The following SPHKAP variants were observed in gnomAD, a reference collection of about 807,000 sequenced individuals.
The protein encoded by SPHKAP is A-kinase anchor protein SPHKAP.
Under a neutral mutation model 137.5 loss-of-function variants are expected in SPHKAP, and 67 were observed. The observed-to-expected ratio is 0.49, with a 90% CI of 0.40 to 0.60. SPHKAP has a LOEUF of 0.60. Ranked by LOEUF, SPHKAP falls within the 20% of genes least tolerant of loss-of-function variation. The probability of loss-of-function intolerance (pLI) is 0.00; values close to 1 mark genes in which losing one functional copy is unlikely to be tolerated. For synonymous variants in SPHKAP, 813 were observed against 785.3 expected (o/e 1.04, Z -0.59); for missense variants, 2,097 against 2,069.3 (o/e 1.01, Z -0.26).
intron 1 of SPHKAP, among the ~76,000 whole-genome samples, chr2:228,155,897 C>CA: frequency 6.6e-6 from 1 of 152,286 alleles, no homozygotes; most frequent in East Asian, 1.9e-4. Context: ...GAGGACAAAG[C>CA]AAAATCTCAA....
intron 7 of SPHKAP, among the ~76,000 whole-genome samples, chr2:228,006,991 C>T (rs963048107): frequency 7.2e-5 from 11 of 152,142 alleles, no homozygotes; most frequent in Non-Finnish European, 1.3e-4. Context: ...GGGTCAGGGA[C>T]CTACTTGAGG....
chr2:228,036,796 C>T (rs983509955), intron 3 of SPHKAP, among the ~76,000 whole-genome samples: 3 of 151,822 alleles, frequency 2.0e-5, no homozygotes, highest in Non-Finnish European at 2.9e-5. Context: ...AAAAACCAGA[C>T]ACTGCATGTT....
At chr2:228,071,595 A>G (rs1186663853) in intron 3 of SPHKAP, among the ~76,000 whole-genome samples, 1 of 152,174 alleles carries the variant, frequency 6.6e-6, no homozygotes, top group African/African-American at 2.4e-5. Context: ...CATTTTCAAT[A>G]CAAAATGAAG....
intron 3 of SPHKAP, among the ~76,000 whole-genome samples, chr2:228,079,001 A>T (rs562719923): frequency 4.2e-4 from 64 of 152,162 alleles, no homozygotes; most frequent in African/African-American, 1.5e-3. Context: ...GGGCCTCTGC[A>T]TTACCAGGCT....
intron 1 of SPHKAP, among the ~76,000 whole-genome samples, chr2:228,133,040 C>T (rs1699308830): frequency 6.6e-6 from 1 of 151,556 alleles, no homozygotes; most frequent in Admixed American, 6.6e-5. Flanking sequence ...GGCATGGTGG[C>T]TCACGCCTGT....
At chr2:228,066,815 C>T (rs565375993) in intron 3 of SPHKAP, among the ~76,000 whole-genome samples, 1 of 152,312 alleles carries the variant, frequency 6.6e-6, no homozygotes, top group African/African-American at 2.4e-5. Context: ...TATGGGATCA[C>T]ATAATCTCTT....
intron 3 of SPHKAP, among the ~76,000 whole-genome samples, chr2:228,083,040 C>A (rs1697413461): frequency 6.6e-6 from 1 of 152,136 alleles, no homozygotes; most frequent in African/African-American, 2.4e-5. Context: ...TTACTTCATA[C>A]AGAACTTCTC....
chr2:228,046,291 CTTTTT>C (rs58510792), intron 3 of SPHKAP, among the ~76,000 whole-genome samples: 1 of 82,528 alleles, frequency 1.2e-5, no homozygotes, highest in African/African-American at 4.9e-5. Flanking sequence ...TGTTGTTATT[CTTTTT>C]TTTTTTTTTT....
intron 1 of SPHKAP, among the ~76,000 whole-genome samples, chr2:228,171,593 C>A (rs775801550): frequency 6.6e-6 from 1 of 152,054 alleles, no homozygotes; most frequent in African/African-American, 2.4e-5. Flanking sequence ...GGTTCATTTG[C>A]GAGAGATCAC....
chr2:228,016,824 C>G lies in SPHKAP; in HGVS notation c.4030G>C (p.Ala1344Pro), dbSNP rs1196729803. Reference sequence around the variant, plus strand: ...GCTAATCTATTTGCACACTTCTCTGCTTGCGAGGGAGAGCCACCAGAAACA... The same window carrying G: ...GCTAATCTATTTGCACACTTCTCTGGTTGCGAGGGAGAGCCACCAGAAACA... Reference protein sequence around the residue: ...EPVSGGSPSQAEKCANRLAAS... With the variant: ...EPVSGGSPSQPEKCANRLAAS... Residue 1344 changes from alanine to proline, a missense_variant, in exon 7 of 12, where the codon GCA (alanine) becomes CCA (proline). Coordinates refer to ENST00000392056, the MANE Select transcript of SPHKAP (RefSeq NM_001142644.2). 1.2e-6 allele frequency: 2 copies of G among 1,614,026 alleles called. No individual in the cohort carries two copies. The highest frequency in any genetic ancestry group is 4.5e-5 in the East Asian group (2 of 44,874).
intron 5 of SPHKAP, among the ~76,000 whole-genome samples, chr2:228,024,416 T>C (rs1694955787): frequency 6.7e-6 from 1 of 149,272 alleles, no homozygotes; most frequent in African/African-American, 2.5e-5. Flanking sequence ...CTCAAAGACA[T>C]AATGTACAAT....
chr2:228,174,912 A>G (rs1488691917), intron 1 of SPHKAP, among the ~76,000 whole-genome samples: 1 of 152,148 alleles, frequency 6.6e-6, no homozygotes, highest in Non-Finnish European at 1.5e-5. Flanking sequence ...AAAACATGGT[A>G]ACCAGATGAA....
intron 1 of SPHKAP, among the ~76,000 whole-genome samples, chr2:228,170,442 T>C (rs888832686): frequency 2.0e-5 from 3 of 152,128 alleles, no homozygotes; most frequent in Non-Finnish European, 4.4e-5. Context: ...GAGTTTTTCA[T>C]GAAAAGCAGA....
chr2:228,067,487 C>T (rs2106296195), intron 3 of SPHKAP, among the ~76,000 whole-genome samples: 1 of 152,314 alleles, frequency 6.6e-6, no homozygotes, highest in South Asian at 2.1e-4. Flanking sequence ...AATTGATAGG[C>T]TCTCCGGAGG....
At chr2:228,061,677 A>G (rs973599168) in intron 3 of SPHKAP, among the ~76,000 whole-genome samples, 1 of 152,098 alleles carries the variant, frequency 6.6e-6, no homozygotes, top group African/African-American at 2.4e-5. Context: ...TTTGCTTGAC[A>G]ATAACTATAA....
chr2:228,064,209 T>G (rs1362523804), intron 3 of SPHKAP, among the ~76,000 whole-genome samples: 1 of 152,128 alleles, frequency 6.6e-6, no homozygotes, highest in East Asian at 1.9e-4. Flanking sequence ...TATTAAGGCT[T>G]GGCAGTTCTT....
At chr2:228,108,974 G>A in intron 2 of SPHKAP, 35 bp from the exon 3 acceptor site, 1 of 1,403,016 alleles carries the variant, frequency 7.1e-7, no homozygotes, top group Non-Finnish European at 9.7e-7. Context: ...TTCTTATTCG[G>A]CAATCCTTTC....
chr2:228,099,852 T>G (rs1559173157), intron 3 of SPHKAP, among the ~76,000 whole-genome samples: 1 of 66,118 alleles, frequency 1.5e-5, no homozygotes, highest in Non-Finnish European at 3.1e-5. Context: ...CTGATTTTTT[T>G]TTGTTTGTTT....
Position 228,022,393 on chromosome 2 carries a change from G to A in SPHKAP, c.442-427C>T, listed in dbSNP as rs1193554797. 2.0e-5 allele frequency among the ~76,000 whole-genome samples: 3 copies of A among 152,192 alleles called. No individual in the cohort carries two copies. In the South Asian group the frequency reaches 6.2e-4, roughly 31 times the overall value. On this transcript the variant is annotated intron_variant, in intron 5 of 11. Coordinates refer to ENST00000392056, the MANE Select transcript of SPHKAP (RefSeq NM_001142644.2). ...ATGGGGGAGATCATAGGTCATCTGTGTTTGATAATTGGCTTTACCCAAAGA... is the reference window on the plus strand; with the variant it reads ...ATGGGGGAGATCATAGGTCATCTGTATTTGATAATTGGCTTTACCCAAAGA...
Sources: allele counts gnomAD v4.1 joint callset (sites outside exome capture counted in the v4.1 genomes callset), GRCh38; gene constraint gnomAD v4.1.1; transcripts MANE v1.5; gene names NCBI Gene and HGNC (gene_info 2026-07-23, HGNC 2026-07-21).